Variants in PCDH11X observed in about 807,000 individuals in gnomAD.
PCDH11X encodes the protein protocadherin-11 X-linked.
In PCDH11X, 18 loss-of-function variants were observed where a neutral mutation model predicts 53.3. The observed-to-expected ratio is 0.34, with a 90% CI of 0.23 to 0.50. The LOEUF (loss-of-function observed/expected upper bound fraction) is 0.50, where lower values mean the gene tolerates loss of function less well. Ranked by LOEUF, PCDH11X falls within the 20% of genes least tolerant of loss-of-function variation. The pLI is 0.98. For synonymous variants in PCDH11X, 279 were observed against 393.3 expected (o/e 0.71, Z 3.44); for missense variants, 570 against 1,032.4 (o/e 0.55, Z 6.14).
chrX:91,940,239 T>C (rs113412921), intron 6 of PCDH11X, among the ~76,000 whole-genome samples: 2,239 of 111,236 alleles, frequency 0.02, 45 homozygotes, highest in African/African-American at 0.064. Flanking sequence ...GAGCAGATGC[T>C]GATGTTATAC....
At chrX:91,967,802 A>G (rs1306730038) in intron 6 of PCDH11X, among the ~76,000 whole-genome samples, 1 of 112,304 alleles carries the variant, frequency 8.9e-6, no homozygotes, top group African/African-American at 3.2e-5. Context: ...TAATAACTAT[A>G]TTAGCAGGAA....
chrX:92,580,430 G>T (rs2148785317), intron 10 of PCDH11X, among the ~76,000 whole-genome samples: 1 of 102,762 alleles, frequency 9.7e-6, no homozygotes, highest in Admixed American at 1.0e-4. Context: ...TCTGTAAACT[G>T]GCTGGAGGTG....
At chrX:92,112,943 A>G (rs1462112783) in intron 6 of PCDH11X, among the ~76,000 whole-genome samples, 1 of 109,783 alleles carries the variant, frequency 9.1e-6, no homozygotes, top group Non-Finnish European at 1.9e-5. Flanking sequence ...TTTATTGATT[A>G]ACTTCCCTGA....
chrX:92,267,002 C>T (rs900384302), intron 8 of PCDH11X, among the ~76,000 whole-genome samples: 1 of 111,444 alleles, frequency 9.0e-6, no homozygotes, highest in Non-Finnish European at 1.9e-5. Flanking sequence ...ACCTTTTCCT[C>T]CCAAAGTGCT....
At chrX:91,933,717 A>G (rs754704980) in intron 6 of PCDH11X, among the ~76,000 whole-genome samples, 2 of 111,526 alleles carry the variant, frequency 1.8e-5, no homozygotes, top group Admixed American at 1.9e-4. Context: ...TTAGGTAGTA[A>G]GCAGTTATTC....
At chrX:91,970,232 A>T (rs1046173422) in intron 6 of PCDH11X, among the ~76,000 whole-genome samples, 1 of 111,367 alleles carries the variant, frequency 9.0e-6, no homozygotes, top group Non-Finnish European at 1.9e-5. Flanking sequence ...TGAAAGAACA[A>T]AGCTTCCACC....
intron 10 of PCDH11X, among the ~76,000 whole-genome samples, chrX:92,475,208 C>T (rs1288587826): frequency 4.0e-5 from 4 of 100,994 alleles, no homozygotes; most frequent in Non-Finnish European, 7.9e-5. Context: ...AGTTTACACA[C>T]CAAAGTTACA....
intron 6 of PCDH11X, among the ~76,000 whole-genome samples, chrX:91,893,628 A>C (rs766180078): frequency 9.0e-6 from 1 of 111,044 alleles, no homozygotes; most frequent in East Asian, 2.8e-4. Context: ...CTGTCGCCGA[A>C]GTACTGAGAT....
intron 8 of PCDH11X, among the ~76,000 whole-genome samples, chrX:92,315,275 G>A (rs1323918077): frequency 8.9e-6 from 1 of 112,162 alleles, no homozygotes; most frequent in Non-Finnish European, 1.9e-5. Context: ...ATAGCATAAA[G>A]TGCACTGGAG....
Position 91,878,005 on chromosome X carries a change from G to A in PCDH11X, c.1765G>A (p.Val589Ile). ...AGAAAACCTTCCAAGGCATGGTACA[G>A]TAGGACTAATCACTGTAACTGATCC... is the stretch of plus-strand genomic sequence containing the variant. ...VPENLPRHGT[V>I]GLITVTDPDY... is the part of the protein sequence containing the mutation. The change falls in exon 6 of 11, where the codon GTA (valine) becomes ATA (isoleucine). Residue 589 changes from valine to isoleucine, a missense_variant. By Grantham distance (29) the Val-to-Ile change is conservative (BLOSUM62 3). Coordinates refer to ENST00000682573, the MANE Select transcript of PCDH11X (RefSeq NM_032968.5). 8.3e-7 allele frequency: 1 copy of A among 1,210,983 alleles called. No homozygotes were observed. Among genetic ancestry groups the A allele is most frequent in the East Asian group, 3.0e-5 (1 of 33,786 alleles).
chrX:92,111,219 T>TAAAAAAAAAAAAAAAAAAAAAAAA (rs771823629), intron 6 of PCDH11X, among the ~76,000 whole-genome samples: 2 of 19,817 alleles, frequency 1.0e-4, no homozygotes, highest in Non-Finnish European at 8.9e-5. Flanking sequence ...CACCTAACGC[T>TAAAAAAAAAAAAAAAAAAAAAAAA]AAAAAAAAAA....
In PCDH11X at chrX:92,133,278, A is replaced by G. The variant is rs1319155846; in HGVS notation, c.3034-68097A>G. 8.0e-5 allele frequency among the ~76,000 whole-genome samples: 9 copies of G among 112,251 alleles called. No homozygotes were observed. In the South Asian group the frequency reaches 2.9e-3, roughly 36 times the overall value. On this transcript the variant is annotated intron_variant, in intron 6 of 10. Transcript: ENST00000682573. ...GAATGCTTTGTTCACATTAGTCTGGATAAAAATTCAGGTACTTTTAGGAAA... is the reference window on the plus strand; with the variant it reads ...GAATGCTTTGTTCACATTAGTCTGGGTAAAAATTCAGGTACTTTTAGGAAA...
At chrX:92,552,618 A>G (rs1464682915) in intron 10 of PCDH11X, among the ~76,000 whole-genome samples, 1 of 109,481 alleles carries the variant, frequency 9.1e-6, no homozygotes, top group African/African-American at 3.3e-5. Context: ...TTCAGGTGTT[A>G]GAGAATAGAC....
At chrX:92,085,100 T>A (rs971115445) in intron 6 of PCDH11X, among the ~76,000 whole-genome samples, 4 of 110,866 alleles carry the variant, frequency 3.6e-5, no homozygotes, top group Non-Finnish European at 7.5e-5. Context: ...TGAGCTCTTA[T>A]AGTCTGAATA....
At chrX:91,963,223 A>G (rs2061816656) in intron 6 of PCDH11X, among the ~76,000 whole-genome samples, 1 of 110,985 alleles carries the variant, frequency 9.0e-6, no homozygotes. Flanking sequence ...TCCCTTTTCA[A>G]CATAAGTTCC....
chrX:92,516,344 G>T (rs1168150243), intron 10 of PCDH11X, among the ~76,000 whole-genome samples: 1 of 112,227 alleles, frequency 8.9e-6, no homozygotes, highest in East Asian at 2.8e-4. Flanking sequence ...GACAATAAAA[G>T]ATTCTGTGAA....
At chrX:91,928,008 G>A (rs983329664) in intron 6 of PCDH11X, among the ~76,000 whole-genome samples, 5 of 111,039 alleles carry the variant, frequency 4.5e-5, no homozygotes, top group Admixed American at 1.9e-4. Flanking sequence ...CCAAATAAAT[G>A]ACCAGATAAA....
intron 1 of PCDH11X, among the ~76,000 whole-genome samples, chrX:91,782,905 G>A (rs1207504320): frequency 9.0e-6 from 1 of 111,450 alleles, no homozygotes; most frequent in Non-Finnish European, 1.9e-5. Flanking sequence ...AGCTTTGGTA[G>A]AAGGGCCGCA....
intron 8 of PCDH11X, among the ~76,000 whole-genome samples, chrX:92,359,833 T>C (rs1225514949): frequency 9.0e-6 from 1 of 110,846 alleles, no homozygotes; most frequent in African/African-American, 3.3e-5. Context: ...GATGCTTCTG[T>C]TAACTTTATA....
Sources: gnomAD v4.1 joint callset for allele counts (sites outside exome capture counted in the v4.1 genomes callset) on GRCh38, gnomAD v4.1.1 for gene constraint, MANE v1.5 for transcripts, NCBI Gene and HGNC (gene_info 2026-07-23, HGNC 2026-07-21) for gene names.